The following MAP7D1 variants were observed in gnomAD, a reference collection of about 807,000 sequenced individuals.
MAP7D1 encodes the protein MAP7 domain containing 1.
In MAP7D1, 30 loss-of-function variants were observed where a neutral mutation model predicts 97.5. The observed-to-expected ratio is 0.31, with a 90% CI of 0.23 to 0.42. The LOEUF is 0.42. Ranked by LOEUF, MAP7D1 falls within the 10% of genes least tolerant of loss-of-function variation. MAP7D1 has a pLI of 1.00. For synonymous variants in MAP7D1, 536 were observed against 477.1 expected (o/e 1.12, Z -1.61); for missense variants, 1,184 against 1,179.5 (o/e 1.00, Z -0.06).
rs185270216 is a variant in MAP7D1 at position 36,176,130 on chromosome 1, G to T, written c.851-69G>T. ...TTGGCATGGGGATGGTGCCTGGTCT[G>T]CTCCCTTGCCTCTTCCTGCCTCCTA... On this transcript the variant is annotated intron_variant, in intron 6 of 16. Coordinates refer to ENST00000474796, the MANE Select transcript of MAP7D1 (RefSeq NM_001388490.1). This position sits in a 1 kb window ranked among gnomAD's most constrained non-coding sequence, Gnocchi z 6.1. 2 of 1,560,342 alleles carry T rather than the reference G, an allele frequency of 1.3e-6. No homozygotes were observed. Among genetic ancestry groups the T allele is most frequent in the African/African-American group, 1.4e-5 (1 of 72,782 alleles).
intron 1 of MAP7D1, among the ~76,000 whole-genome samples, chr1:36,158,552 C>G (rs1220667190): frequency 1.3e-5 from 2 of 152,082 alleles, no homozygotes; most frequent in South Asian, 4.1e-4. Flanking sequence ...GTACTGGCTA[C>G]TGGACTGGAG....
chr1:36,177,874 C>T lies in MAP7D1; in HGVS notation c.1381C>T (p.Pro461Ser). The T allele has an allele frequency of 6.5e-7, 1 of 1,530,892 alleles. No homozygotes were observed. Among genetic ancestry groups the T allele is most frequent in the Non-Finnish European group, 8.8e-7 (1 of 1,139,702 alleles). 94.8% of individuals were successfully genotyped at this position (1,530,892 alleles called of 1,614,324 possible). Residue 461 changes from proline (P) to serine (S), a missense_variant and splice_region_variant, in exon 9 of 17, where the codon CCC becomes TCC. Pro to Ser is a moderately conservative substitution (Grantham distance 74). Coordinates refer to ENST00000474796, the MANE Select transcript of MAP7D1 (RefSeq NM_001388490.1). ...LSASTASELS[P>S]KSKARPSSPS... ...CTTCCCTTTTCCCTTTTCTCTTAGC[C>T]CCAAATCCAAGGCCAGGCCATCCTC...
At chr1:36,179,415 G>C in intron 13 of MAP7D1, 100 bp downstream of exon 13, 11 of 1,576,516 alleles carry the variant, frequency 7.0e-6, no homozygotes, top group Non-Finnish European at 9.5e-6. Flanking sequence ...AGGCTGTCAG[G>C]GAGGCCGCTG....
Position 36,178,532 on chromosome 1 carries a change from C to T in MAP7D1, c.1822C>T (p.Arg608Cys). The change falls in exon 10 of 17, where the codon CGC becomes TGC. Residue 608 changes from arginine (R) to cysteine (C), a missense_variant. Coordinates refer to ENST00000474796, the MANE Select transcript of MAP7D1 (RefSeq NM_001388490.1). The stretch of plus-strand genomic sequence containing the variant: ...CACTCGGCTCTTGGCTGAGAAGCGG[C>T]GCCAGGCCCGGGAGCAGCGGGAGCG... Reference protein sequence around the residue: ...EATRLLAEKRRQAREQREREE... With the variant: ...EATRLLAEKRCQAREQREREE... The T allele has an allele frequency of 6.2e-7, 1 of 1,602,288 alleles. No homozygotes were observed. Among genetic ancestry groups the T allele is most frequent in the Non-Finnish European group, 8.5e-7 (1 of 1,174,976 alleles).
chr1:36,177,831 T>G (rs1462224441), intron 8 of MAP7D1, 42 bp from the exon 9 acceptor site: 1 of 1,520,248 alleles, frequency 6.6e-7, no homozygotes, highest in Non-Finnish European at 8.8e-7. Flanking sequence ...AGCGTGTGGG[T>G]GTGTGTGTCT....
Position 36,156,257 on chromosome 1 carries a change from G to A in MAP7D1, c.-161G>A. ...GCGACCGGCACCTCCGAGACTCGCG[G>A]GCCACCTGCCTCGACCTTCCCCGGA... On this transcript the variant is annotated 5_prime_UTR_variant, in exon 1 of 17. Transcript: ENST00000474796. 2.1e-6 allele frequency: 1 copy of A among 485,614 alleles called. No homozygotes were observed. The highest frequency in any genetic ancestry group is 3.4e-6 in the Non-Finnish European group (1 of 292,718). 30.1% of individuals were successfully genotyped at this position (485,614 alleles called of 1,614,324 possible). A position where few individuals can be genotyped will look rare whatever the true frequency, so the allele number is the denominator to read the frequency against.
At chr1:36,162,775 C>T (rs1246293378) in intron 1 of MAP7D1, among the ~76,000 whole-genome samples, 1 of 152,134 alleles carries the variant, frequency 6.6e-6, no homozygotes, top group Non-Finnish European at 1.5e-5. Context: ...GGTCTAAATA[C>T]ACACTAGCTA....
Position 36,176,422 on chromosome 1 carries a change from G to A in MAP7D1, c.1074G>A (p.Val358=). The A allele has an allele frequency of 2.0e-6, 3 of 1,530,470 alleles. No individual in the cohort carries two copies. Among genetic ancestry groups the A allele is most frequent in the Non-Finnish European group, 2.6e-6 (3 of 1,147,770 alleles). 94.8% of individuals were successfully genotyped at this position (1,530,470 alleles called of 1,614,324 possible). A position where few individuals can be genotyped will look rare whatever the true frequency, so the allele number is the denominator to read the frequency against. Residue 358 remains valine, a synonymous_variant, in exon 7 of 17, where the codon GTG becomes GTA. Transcript: ENST00000474796. The surrounding 1 kb of genome is among the most constrained non-coding windows in gnomAD (Gnocchi z 6.1). ...QPDRTHPSAA[V]PVCPRSASAS... ...ACCGCACTCATCCCTCTGCAGCCGT[G>A]CCGGTGTGCCCGCGCTCGGCCTCCG...
intron 1 of MAP7D1, among the ~76,000 whole-genome samples, chr1:36,163,636 C>T (rs1252592442): frequency 1.3e-5 from 2 of 152,008 alleles, no homozygotes; most frequent in Non-Finnish European, 2.9e-5. Flanking sequence ...TCTTGTTTGC[C>T]TCTTGAGAAG....
rs763817876 is a variant in MAP7D1, at chr1:36,178,051, G to T, written c.1558G>T (p.Ala520Ser). ...RKEEAKESPSAAGPEDKSQSK... is the reference protein window; with the variant it reads ...RKEEAKESPSSAGPEDKSQSK... ...GGAGGAGGCAAAGGAGAGCCCCAGCGCCGCAGGGCCCGAGGACAAGAGCCA... is the reference window on the plus strand; with the variant it reads ...GGAGGAGGCAAAGGAGAGCCCCAGCTCCGCAGGGCCCGAGGACAAGAGCCA... The change falls in exon 9 of 17, where the codon GCC becomes TCC. Residue 520 changes from alanine to serine, a missense_variant. Transcript: ENST00000474796. The T allele has an allele frequency of 1.6e-5, 26 of 1,612,580 alleles. No homozygotes were observed. Among genetic ancestry groups the T allele is most frequent in the Middle Eastern group, 3.3e-4 (2 of 6,076 alleles).
At chr1:36,163,826 T>C (rs1256942624) in intron 1 of MAP7D1, among the ~76,000 whole-genome samples, 3 of 135,228 alleles carry the variant, frequency 2.2e-5, no homozygotes, top group South Asian at 2.5e-4. Flanking sequence ...TCTTTTTTTT[T>C]TTTTTTTTTT....
In MAP7D1 at chr1:36,177,137, TG is replaced by T. The variant is rs550277704; in HGVS notation, c.1379+300del. On this transcript the variant is annotated intron_variant, in intron 8 of 16. Coordinates refer to ENST00000474796, the MANE Select transcript of MAP7D1 (RefSeq NM_001388490.1). The stretch of plus-strand genomic sequence containing the variant: ...CTAATTTTTTGTATTTTTGGTAGAG[TG>T]GGGGTTTCGCTACGTTGTCCAGGCT... Among the ~76,000 whole-genome samples, 455 of 151,932 alleles carry T rather than the reference TG, an allele frequency of 3.0e-3. 2 individuals carry two copies. The highest frequency in any genetic ancestry group is 0.01 in the African/African-American group (432 of 41,428).
intron 1 of MAP7D1, among the ~76,000 whole-genome samples, chr1:36,166,281 C>T (rs188817071): frequency 1.1e-4 from 17 of 152,086 alleles, no homozygotes; most frequent in African/African-American, 4.1e-4. Flanking sequence ...TCGAAGAGGT[C>T]AGGATCCTGG....
At position 36,178,195 on chromosome 1, in the gene MAP7D1, C is replaced by A. The variant is rs1644658389; in HGVS notation, c.1702C>A (p.Pro568Thr). 8 of 1,564,154 alleles carry A rather than the reference C, an allele frequency of 5.1e-6. No homozygotes were observed. Among genetic ancestry groups the A allele is most frequent in the Non-Finnish European group, 6.9e-6 (8 of 1,155,656 alleles). Reference protein sequence around the residue: ...PQKEQPPAETPTDAAVLTSPP... With the variant: ...PQKEQPPAETTTDAAVLTSPP... ...GAAGGAGCAGCCCCCCGCGGAGACC[C>A]CTACAGGTAGGAATGAAGAGAGGGG... The change falls in exon 9 of 17, where the codon CCT (proline) becomes ACT (threonine). Residue 568 changes from proline to threonine, a missense_variant. Physicochemically the swap from Pro to Thr is conservative, Grantham distance 38 (BLOSUM62 -1). Transcript: ENST00000474796.
intron 1 of MAP7D1, among the ~76,000 whole-genome samples, chr1:36,163,817 CTTTT>C (rs869169250): frequency 1.2e-5 from 1 of 86,784 alleles, no homozygotes; most frequent in African/African-American, 4.7e-5. Context: ...TACTTTTTTT[CTTTT>C]TTTTTTTTTT....
In MAP7D1 at chr1:36,176,923, C is replaced by T; in HGVS notation, c.1379+81C>T. 8.2e-7 allele frequency: 1 copy of T among 1,221,462 alleles called. No individual in the cohort carries two copies. Among genetic ancestry groups the T allele is most frequent in the Non-Finnish European group, 1.2e-6 (1 of 865,814 alleles). The allele number at this position is 1,221,462 out of a possible 1,614,324, so 75.7% of individuals were successfully genotyped here. A position where few individuals can be genotyped will look rare whatever the true frequency, so the allele number is the denominator to read the frequency against. Reference sequence around the variant, plus strand: ...CCACAAATATTTGTTGGGCAACCACCTCTAGAATGCAACTTCCCTGAGGGC... The same window carrying T: ...CCACAAATATTTGTTGGGCAACCACTTCTAGAATGCAACTTCCCTGAGGGC... On this transcript the variant is annotated intron_variant, in intron 8 of 16. Coordinates refer to ENST00000474796, the MANE Select transcript of MAP7D1 (RefSeq NM_001388490.1). This position sits in a 1 kb window ranked among gnomAD's most constrained non-coding sequence, Gnocchi z 6.1.
chr1:36,169,542 C>T (rs914277001), intron 1 of MAP7D1, among the ~76,000 whole-genome samples: 19 of 150,274 alleles, frequency 1.3e-4, no homozygotes, highest in African/African-American at 3.9e-4. Context: ...GGTGACAGAG[C>T]GAGACTCCGT....
chr1:36,175,081 A>G, intron 6 of MAP7D1, 73 bp downstream of exon 6: 1 of 983,208 alleles, frequency 1.0e-6, no homozygotes. Flanking sequence ...AGAGCTCAGC[A>G]AGAACACCAG....
rs1356454117 is a variant in MAP7D1, at chr1:36,159,887, C to T, written c.46+3424C>T. On this transcript the variant is annotated intron_variant, in intron 1 of 16. Coordinates refer to ENST00000474796, the MANE Select transcript of MAP7D1 (RefSeq NM_001388490.1). This position sits in a 1 kb window ranked among gnomAD's most constrained non-coding sequence, Gnocchi z 5.4. Reference sequence around the variant, plus strand: ...GCTGGCACCTCCCAATGACAGCTTCCTAGTCCCTTCCTGGGCTGGTGGGCC... The same window carrying T: ...GCTGGCACCTCCCAATGACAGCTTCTTAGTCCCTTCCTGGGCTGGTGGGCC... Among the ~76,000 whole-genome samples, 1 of 152,216 alleles carries T rather than the reference C, an allele frequency of 6.6e-6. No homozygotes were observed. Among genetic ancestry groups the T allele is most frequent in the African/African-American group, 2.4e-5 (1 of 41,456 alleles).
Sources: allele counts gnomAD v4.1 joint callset (sites outside exome capture counted in the v4.1 genomes callset), GRCh38; gene constraint gnomAD v4.1.1; non-coding constraint Gnocchi (gnomAD v3.1); transcripts MANE v1.5; gene names NCBI Gene and HGNC (gene_info 2026-07-23, HGNC 2026-07-21).